Variants in PCDH15 observed in about 807,000 individuals in gnomAD.
The protein encoded by PCDH15 is protocadherin-15.
In PCDH15, 129 loss-of-function variants were observed where a neutral mutation model predicts 178.5. That is an observed-to-expected ratio of 0.72 (90% CI 0.63 to 0.84). The LOEUF (loss-of-function observed/expected upper bound fraction) is 0.84, where lower values mean the gene tolerates loss of function less well. Ranked by LOEUF, PCDH15 falls within the 40% of genes least tolerant of loss-of-function variation. PCDH15 has a pLI of 0.00. For missense variants in PCDH15, 2,230 were observed against 2,099.9 expected (o/e 1.06, Z -1.21); for synonymous variants, 800 against 732.0 (o/e 1.09, Z -1.50).
intron 1 of PCDH15, among the ~76,000 whole-genome samples, chr10:55,296,808 C>G (rs1299927531): frequency 6.6e-6 from 1 of 152,040 alleles, no homozygotes; most frequent in African/African-American, 2.4e-5. Flanking sequence ...CACATCACTA[C>G]CATCATAGTC....
At chr10:54,871,575 C>CAA (rs1954042153) in intron 3 of PCDH15, among the ~76,000 whole-genome samples, 1 of 151,900 alleles carries the variant, frequency 6.6e-6, no homozygotes. Flanking sequence ...TGGGAAAATT[C>CAA]CATACAAAAG....
At chr10:53,841,299 TA>T (rs1259595234) in intron 28 of PCDH15, among the ~76,000 whole-genome samples, 1 of 152,112 alleles carries the variant, frequency 6.6e-6, no homozygotes, top group Non-Finnish European at 1.5e-5. Context: ...TGTTTAAATT[TA>T]AATAATTTTA....
At chr10:55,463,489 A>C (rs1339796802) in intron 2 of PCDH15, among the ~76,000 whole-genome samples, 1 of 152,060 alleles carries the variant, frequency 6.6e-6, no homozygotes, top group Non-Finnish European at 1.5e-5. Flanking sequence ...CTATAAAAAA[A>C]AATAATAAAA....
chr10:54,377,641 T>A (rs575099320), intron 4 of PCDH15, among the ~76,000 whole-genome samples: 34 of 152,228 alleles, frequency 2.2e-4, no homozygotes, highest in Non-Finnish European at 5.0e-4. Context: ...TCATAAACCC[T>A]GAGCAATGAT....
At chr10:55,062,137 A>G (rs1179128098) in intron 2 of PCDH15, among the ~76,000 whole-genome samples, 1 of 152,232 alleles carries the variant, frequency 6.6e-6, no homozygotes, top group East Asian at 1.9e-4. Flanking sequence ...CCTTACCCCA[A>G]GGTGATGGTA....
intron 3 of PCDH15, among the ~76,000 whole-genome samples, chr10:54,463,842 C>A (rs1280462182): frequency 6.6e-6 from 1 of 151,996 alleles, no homozygotes; most frequent in Non-Finnish European, 1.5e-5. Context: ...GTACGAGCGA[C>A]ATTTGAACTC....
At chr10:54,266,399 A>C (rs1292678290) in intron 8 of PCDH15, among the ~76,000 whole-genome samples, 1 of 151,874 alleles carries the variant, frequency 6.6e-6, no homozygotes, top group African/African-American at 2.4e-5. Context: ...TAAAGAAATT[A>C]ATAAAACAAG....
At chr10:53,967,945 C>T (rs1589674041) in intron 21 of PCDH15, among the ~76,000 whole-genome samples, 1 of 152,222 alleles carries the variant, frequency 6.6e-6, no homozygotes, top group South Asian at 2.1e-4. Flanking sequence ...CAGCTCCCAG[C>T]GTGAGTGATG....
intron 1 of PCDH15, among the ~76,000 whole-genome samples, chr10:55,273,933 C>T (rs1842517087): frequency 6.6e-6 from 1 of 152,052 alleles, no homozygotes; most frequent in East Asian, 1.9e-4. Context: ...ACCTCCCACA[C>T]ACACACACAT....
At chr10:54,943,943 C>A (rs555556482) in intron 2 of PCDH15, among the ~76,000 whole-genome samples, 1 of 151,438 alleles carries the variant, frequency 6.6e-6, no homozygotes, top group Non-Finnish European at 1.5e-5. Flanking sequence ...GAGTTTCTAT[C>A]CCACAGCAAG....
At chr10:54,317,562 G>A (rs895963730) in intron 7 of PCDH15, 121 bp from the exon 8 acceptor site, 11 of 1,129,460 alleles carry the variant, frequency 9.7e-6, no homozygotes, top group Admixed American at 5.1e-5. Flanking sequence ...ATCACTTGAG[G>A]TCAGGGGTTT....
At chr10:54,488,157 G>A (rs1200937401) in intron 3 of PCDH15, among the ~76,000 whole-genome samples, 1 of 151,636 alleles carries the variant, frequency 6.6e-6, no homozygotes, top group African/African-American at 2.4e-5. Context: ...TTACTATTGA[G>A]CTAACATTAC....
chr10:54,831,475 CT>C (rs1463533773), intron 3 of PCDH15, among the ~76,000 whole-genome samples: 1 of 151,998 alleles, frequency 6.6e-6, no homozygotes, highest in African/African-American at 2.4e-5. Context: ...ATTGTGATGT[CT>C]GCTAACTTAT....
At chr10:54,402,709 T>G (rs1232383597) in intron 3 of PCDH15, among the ~76,000 whole-genome samples, 1 of 152,008 alleles carries the variant, frequency 6.6e-6, no homozygotes, top group Non-Finnish European at 1.5e-5. Flanking sequence ...TATAATTATT[T>G]TGGGATGCCG....
chr10:55,262,082 GAA>G (rs1842159368), intron 1 of PCDH15, among the ~76,000 whole-genome samples: 4 of 116,450 alleles, frequency 3.4e-5, no homozygotes, highest in African/African-American at 9.7e-5. Context: ...TAAAGGAAAG[GAA>G]AGGAGGAGAG....
chr10:54,265,357 A>G (rs1398225466), intron 8 of PCDH15, among the ~76,000 whole-genome samples: 1 of 152,074 alleles, frequency 6.6e-6, no homozygotes, highest in African/African-American at 2.4e-5. Context: ...AAGCAACTAC[A>G]CAATTGAGAC....
At chr10:54,775,516 T>C (rs1030649222) in intron 1 of PCDH15, among the ~76,000 whole-genome samples, 1 of 152,202 alleles carries the variant, frequency 6.6e-6, no homozygotes, top group African/African-American at 2.4e-5. Context: ...TATTTAAAAA[T>C]AGATATTATT....
intron 2 of PCDH15, among the ~76,000 whole-genome samples, chr10:55,438,510 T>C (rs1184358157): frequency 6.6e-6 from 1 of 152,122 alleles, no homozygotes; most frequent in Non-Finnish European, 1.5e-5. Flanking sequence ...TCTCATCCTA[T>C]TAATCACAAC....
At chr10:55,211,643 G>A (rs1007793877) in intron 1 of PCDH15, among the ~76,000 whole-genome samples, 10 of 151,966 alleles carry the variant, frequency 6.6e-5, no homozygotes, top group Admixed American at 3.3e-4. Context: ...ATTAAGTGAA[G>A]TTATTTTCCA....
Sources: gnomAD v4.1 joint callset for allele counts (sites outside exome capture counted in the v4.1 genomes callset) on GRCh38, gnomAD v4.1.1 for gene constraint, MANE v1.5 for transcripts, NCBI Gene and HGNC (gene_info 2026-07-23, HGNC 2026-07-21) for gene names.